Variants in NBPF14 observed in about 807,000 individuals in gnomAD.
The protein encoded by NBPF14 is NBPF member 14, also known as NBPF family member NBPF14.
A neutral mutation model predicts 91.2 loss-of-function variants in NBPF14; 104 were observed. The ratio of observed to expected loss-of-function variants is 1.14; its 90% CI spans 0.97 to 1.34. The LOEUF is 1.34. Among genes scored for constraint, NBPF14 ranks in the 40% most tolerant of loss-of-function variants. The pLI, the probability that NBPF14 is intolerant of heterozygous loss-of-function variation, is 0.00. For synonymous variants in NBPF14, 294 were observed against 303.8 expected (o/e 0.97, Z 0.34); for missense variants, 908 against 783.0 (o/e 1.16, Z -1.91).
intron 14 of NBPF14, among the ~76,000 whole-genome samples, 200 bp from the exon 15 acceptor site, chr1:148,577,555 C>G (rs1313260890): frequency 2.0e-5 from 3 of 149,940 alleles, no homozygotes; most frequent in Non-Finnish European, 3.0e-5. Flanking sequence ...CACACACACA[C>G]ACACACACAC....
Position 148,567,608 on chromosome 1 carries a change from C to G in NBPF14, c.3490+105G>C. ...TATATGCGCCCATAGGTCCTGCCTG[C>G]GGCAATGACGTCTCTCGGGTCAGTA... On this transcript the variant is annotated intron_variant, in intron 27 of 70. Transcript: ENST00000619423. 9.6e-6 allele frequency: 2 copies of G among 208,338 alleles called. 1 individual carries two copies. 12.9% of individuals were successfully genotyped at this position (208,338 alleles called of 1,614,324 possible).
chr1:148,534,436 A>G (rs1472258290), intron 69 of NBPF14, among the ~76,000 whole-genome samples: 5 of 151,774 alleles, frequency 3.3e-5, no homozygotes. Flanking sequence ...CCCAGGTCCA[A>G]TGTCATGAGA....
At chr1:148,587,076 A>T (rs1174172606) in intron 8 of NBPF14, among the ~76,000 whole-genome samples, 5 of 147,918 alleles carry the variant, frequency 3.4e-5, no homozygotes, top group Admixed American at 1.4e-4. Context: ...TTCACATCAA[A>T]AATTACTTGT....
chr1:148,557,086 A>T (rs1656708752), intron 40 of NBPF14, among the ~76,000 whole-genome samples: 1 of 115,306 alleles, frequency 8.7e-6, no homozygotes, highest in Non-Finnish European at 1.7e-5. Context: ...ACACACACAC[A>T]CAGAGAGAGA....
At chr1:148,534,078 T>C (rs1395887112) in intron 69 of NBPF14, 109 bp from the exon 70 acceptor site, 2 of 590,168 alleles carry the variant, frequency 3.4e-6, no homozygotes, top group African/African-American at 1.9e-5. Context: ...AGCATAAGAA[T>C]AGGACACTGT....
chr1:148,576,164 C>T, intron 16 of NBPF14, among the ~76,000 whole-genome samples: 1 of 98,064 alleles, frequency 1.0e-5, no homozygotes, highest in South Asian at 3.9e-4. Flanking sequence ...CGTAAACTTG[C>T]TCAAGATTCC....
At chr1:148,592,635 T>A in exon 4 of NBPF14, 1 of 1,586,834 alleles carries the variant, frequency 6.3e-7, no homozygotes, top group Admixed American at 1.7e-5. Flanking sequence ...CTGGGACTTG[T>A]CCGGCTCATA....
intron 14 of NBPF14, 33 bp downstream of exon 14, chr1:148,577,950 T>A (rs1660252107): frequency 3.2e-6 from 2 of 617,890 alleles, no homozygotes; most frequent in Non-Finnish European, 5.7e-6. Flanking sequence ...GGTGTCAACA[T>A]CAAATTAACT....
chr1:148,559,401 T>C (rs1432111869), intron 37 of NBPF14, among the ~76,000 whole-genome samples: 1 of 134,252 alleles, frequency 7.4e-6, no homozygotes, highest in African/African-American at 3.5e-5. Flanking sequence ...AACTGCACTA[T>C]TCACCCTGTC....
exon 71 of NBPF14, chr1:148,533,027 A>G: frequency 9.7e-7 from 1 of 1,027,706 alleles, no homozygotes. Context: ...TATGACTCCC[A>G]TCTGGAACAC....
rs1662839856 is a variant in NBPF14, at chr1:148,593,515, GTTC to G, written c.278+80_278+82del. 14 of 796,970 alleles carry G rather than the reference GTTC, an allele frequency of 1.8e-5. No homozygotes were observed. The South Asian group carries it at 2.0e-4, about 11-fold the overall frequency. The allele number at this position is 796,970 out of a possible 1,614,324, so 49.4% of individuals were successfully genotyped here. Reference sequence around the variant, plus strand: ...TCTGCCCTTCCCCTGGCCCAGCTTCGTTCTTACTTCTCCCCGCCGAGCTGCTGT... The same window carrying G: ...TCTGCCCTTCCCCTGGCCCAGCTTCGTTACTTCTCCCCGCCGAGCTGCTGT... On this transcript the variant is annotated intron_variant, in intron 3 of 70. Transcript: ENST00000619423.
intron 36 of NBPF14, among the ~76,000 whole-genome samples, 154 bp from the exon 37 acceptor site, chr1:148,560,119 G>T (rs1403179773): frequency 6.6e-6 from 1 of 150,694 alleles, no homozygotes; most frequent in Admixed American, 6.6e-5. Flanking sequence ...TGTTGGGATA[G>T]AACAGGGCCA....
At chr1:148,558,412 C>G in exon 39 of NBPF14, 1 of 31,042 alleles carries the variant, frequency 3.2e-5, no homozygotes, top group East Asian at 5.9e-4. Flanking sequence ...CATCCAGCAG[C>G]TCCCTGCTGA....
chr1:148,554,760 G>T (rs1464983912), intron 43 of NBPF14, among the ~76,000 whole-genome samples: 1 of 147,048 alleles, frequency 6.8e-6, no homozygotes, highest in Non-Finnish European at 1.5e-5. Flanking sequence ...TAGAGTGAAG[G>T]ATGAAATCCA....
chr1:148,572,805 CAGACAGAGACAGAGACAGAGACAG>C (rs1262285066), intron 20 of NBPF14, among the ~76,000 whole-genome samples, 190 bp from the exon 21 acceptor site: 1 of 53,026 alleles, frequency 1.9e-5, no homozygotes, highest in South Asian at 6.7e-4. Flanking sequence ...AAGAGAGAGA[CAGACAGAGACAGAGACAGAGACAG>C]AGACAGAGAC....
intron 14 of NBPF14, among the ~76,000 whole-genome samples, chr1:148,577,605 A>G (rs1288717336): frequency 2.7e-5 from 4 of 149,880 alleles, no homozygotes; most frequent in African/African-American, 7.6e-5. Context: ...GAGGTCAGTC[A>G]ATTGGTCAGG....
chr1:148,587,514 C>G (rs1661746016), intron 7 of NBPF14, 111 bp from the exon 8 acceptor site: 13 of 1,138,700 alleles, frequency 1.1e-5, no homozygotes, highest in Admixed American at 1.8e-5. Context: ...CTCCCCAGTA[C>G]CAGGGTCTAG....
Position 148,595,236 on chromosome 1 carries a change from CAG to C in NBPF14, c.175+305_175+306del, listed in dbSNP as rs1162653693. On this transcript the variant is annotated intron_variant, in intron 2 of 70. Transcript: ENST00000619423. ...TTTGTCTGCAGGATCTTATATGGTA[CAG>C]AGAGGATTCTTGAAAACACGATTGA... 4.3e-4 allele frequency among the ~76,000 whole-genome samples: 64 copies of C among 147,890 alleles called. 2 individuals carry two copies. The East Asian group carries it at 0.01, about 24-fold the overall frequency.
At chr1:148,560,212 T>C (rs1241678701) in intron 36 of NBPF14, among the ~76,000 whole-genome samples, 19 of 150,942 alleles carry the variant, frequency 1.3e-4, no homozygotes, top group African/African-American at 4.4e-4. Context: ...AGTGACCTAG[T>C]GAATTGGCCA....
Sources: allele counts gnomAD v4.1 joint callset (sites outside exome capture counted in the v4.1 genomes callset), GRCh38; gene constraint gnomAD v4.1.1; transcripts MANE v1.5; gene names NCBI Gene and HGNC (gene_info 2026-07-23, HGNC 2026-07-21).